The following TRPM3 variants were observed in gnomAD, a reference collection of about 807,000 sequenced individuals.
TRPM3 encodes long transient receptor potential channel 3.
TRPM3 carries 77 observed loss-of-function variants against 181.2 expected under a neutral mutation model. The ratio of observed to expected loss-of-function variants is 0.42; its 90% CI spans 0.35 to 0.51. The LOEUF (loss-of-function observed/expected upper bound fraction) is 0.51. Ranked by LOEUF, TRPM3 falls within the 20% of genes least tolerant of loss-of-function variation. TRPM3 has a pLI of 0.01. For synonymous variants in TRPM3, 745 were observed against 796.4 expected, an observed-to-expected ratio of 0.94 and a Z score of 1.09; for missense variants, 1,759 against 2,196.7, an observed-to-expected ratio of 0.80 and a Z score of 3.98.
intron 1 of TRPM3, among the ~76,000 whole-genome samples, chr9:71,205,406 G>C (rs2079065943): frequency 6.6e-6 from 1 of 152,108 alleles, no homozygotes; most frequent in African/African-American, 2.4e-5. Context: ...AAACTTGTTT[G>C]AGTTTTAAGA....
In TRPM3 at chr9:70,620,062, C is replaced by T; in HGVS notation, c.2129+14G>A. The T allele has an allele frequency of 6.3e-7, 1 of 1,591,354 alleles. No individual in the cohort carries two copies. Among genetic ancestry groups the T allele is most frequent in the Non-Finnish European group, 8.6e-7 (1 of 1,165,150 alleles). ...CTCTCCCCCTGACCAGCCCATTTTG[C>T]TGGGCGGACCCACCTGGAATTGTGA... On this transcript the variant is annotated intron_variant, in intron 16 of 25. Transcript: ENST00000677713.
chr9:70,636,257 T>C (rs1313034239), intron 11 of TRPM3, among the ~76,000 whole-genome samples: 1 of 152,082 alleles, frequency 6.6e-6, no homozygotes, highest in Non-Finnish European at 1.5e-5. Context: ...ATAGCATTTT[T>C]CTTTTGATTG....
intron 1 of TRPM3, among the ~76,000 whole-genome samples, chr9:71,089,531 A>AT (rs1297457160): frequency 2.0e-5 from 3 of 151,962 alleles, no homozygotes; most frequent in Admixed American, 6.6e-5. Context: ...TTGATTTAGA[A>AT]TTTTTTGTCA....
rs1312092609 is a variant in TRPM3 at position 70,576,567 on chromosome 9, T to C, written c.3223+14464A>G. Among the ~76,000 whole-genome samples the C allele has an allele frequency of 4.6e-5, 7 of 150,610 alleles. No individual in the cohort carries two copies. In the East Asian group the frequency reaches 1.4e-3, roughly 29 times the overall value. On this transcript the variant is annotated intron_variant, in intron 22 of 25. Transcript: ENST00000677713. ...GCTTGCTCGGTCGCCCAGACTAGAG[T>C]GCAATGGTGCGATCTCGGCTCACTG...
intron 1 of TRPM3, among the ~76,000 whole-genome samples, chr9:71,023,986 T>C (rs1231243347): frequency 6.6e-6 from 1 of 152,142 alleles, no homozygotes; most frequent in Non-Finnish European, 1.5e-5. Flanking sequence ...CACAAATGAA[T>C]GTAAGTGAAA....
chr9:71,177,457 T>C (rs537180056), intron 1 of TRPM3, among the ~76,000 whole-genome samples: 1 of 152,238 alleles, frequency 6.6e-6, no homozygotes, highest in African/African-American at 2.4e-5. Context: ...GCCTAGGCTA[T>C]ACCATCCAGG....
At chr9:70,831,962 AATATATATATATAT>A (rs71367232) in intron 5 of TRPM3, among the ~76,000 whole-genome samples, 124 of 64,244 alleles carry the variant, frequency 1.9e-3, no homozygotes, top group Non-Finnish European at 2.7e-3. Flanking sequence ...GTACCCCATA[AATATATATATATAT>A]ATATATATAT....
At chr9:71,053,223 A>G (rs1228209197) in intron 1 of TRPM3, among the ~76,000 whole-genome samples, 2 of 151,872 alleles carry the variant, frequency 1.3e-5, no homozygotes, top group African/African-American at 4.8e-5. Flanking sequence ...AATGTGGTTG[A>G]AGCCAGAACC....
At position 70,917,785 on chromosome 9, in the gene TRPM3, T is replaced by C. The variant is rs62543177; in HGVS notation, c.178-53274A>G. 8.5e-3 allele frequency among the ~76,000 whole-genome samples: 1,287 copies of C among 151,802 alleles called. 7 individuals carry two copies. The highest frequency in any genetic ancestry group is 0.014 in the Middle Eastern group (4 of 292). On this transcript the variant is annotated intron_variant, in intron 1 of 25. Coordinates refer to ENST00000677713, the MANE Select transcript of TRPM3 (RefSeq NM_001366145.2). Reference sequence around the variant, plus strand: ...CAAATAATAAAGTGGTAGGAGTAAGTCCTTACTCATCAATAACAACAATGA... The same window carrying C: ...CAAATAATAAAGTGGTAGGAGTAAGCCCTTACTCATCAATAACAACAATGA...
chr9:71,117,214 C>T lies in TRPM3; in HGVS notation c.177+3964G>A, dbSNP rs2072591999. Reference sequence around the variant, plus strand: ...CAGCTTCCAGTTGCATCATCTCACCCATTTTAGACACTACAGCCAAAGCAA... The same window carrying T: ...CAGCTTCCAGTTGCATCATCTCACCTATTTTAGACACTACAGCCAAAGCAA... On this transcript the variant is annotated intron_variant, in intron 1 of 25. Coordinates refer to ENST00000677713, the MANE Select transcript of TRPM3 (RefSeq NM_001366145.2). Among the ~76,000 whole-genome samples, 4 of 152,174 alleles carry T rather than the reference C, an allele frequency of 2.6e-5. No individual in the cohort carries two copies. In the South Asian group the frequency reaches 8.3e-4, roughly 32 times the overall value.
intron 1 of TRPM3, among the ~76,000 whole-genome samples, chr9:71,087,784 T>TA (rs1235173030): frequency 1.3e-5 from 2 of 152,140 alleles, no homozygotes; most frequent in African/African-American, 2.4e-5. Context: ...GTAGAAAGAC[T>TA]AAAAAAACAC....
At chr9:70,560,720 A>G (rs1444825463) in intron 22 of TRPM3, among the ~76,000 whole-genome samples, 3 of 152,222 alleles carry the variant, frequency 2.0e-5, no homozygotes, top group Non-Finnish European at 2.9e-5. Context: ...TTCATTAGAC[A>G]TTGATTATTC....
At chr9:71,438,581 A>G (rs1346911) in intron 1 of TRPM3, among the ~76,000 whole-genome samples, 148,742 of 152,202 alleles carry the variant, frequency 0.98, 72,765 homozygotes, top group East Asian at 1. Flanking sequence ...GCTGAGGTGG[A>G]AGAATCACCT....
intron 9 of TRPM3, among the ~76,000 whole-genome samples, chr9:70,673,903 C>T (rs2063469559): frequency 1.4e-5 from 2 of 138,340 alleles, no homozygotes; most frequent in South Asian, 2.3e-4. Context: ...GAGCCAAGAT[C>T]GTGCCATTGC....
At chr9:71,181,169 G>C (rs556155477) in intron 1 of TRPM3, among the ~76,000 whole-genome samples, 2 of 152,046 alleles carry the variant, frequency 1.3e-5, no homozygotes, top group African/African-American at 2.4e-5. Context: ...TGAGAACAAA[G>C]GGATTATCAC....
rs1169901529 is a variant in TRPM3 at position 70,655,305 on chromosome 9, C to CAAAA, written c.1346-14649_1346-14646dup. On this transcript the variant is annotated intron_variant, in intron 9 of 25. Transcript: ENST00000677713. ...TGGGCGAAAGAGTGAGACTCCGTCT[C>CAAAA]AAAAAAAAAAAAAAAAAAAAAAAAA... Among the ~76,000 whole-genome samples the CAAAA allele has an allele frequency of 7.5e-3, 249 of 33,150 alleles. 26 individuals are homozygous for CAAAA. Among genetic ancestry groups the CAAAA allele is most frequent in the South Asian group, 0.019 (9 of 482 alleles). The allele number at this position is 33,150 out of a possible 152,430, so 21.7% of individuals were successfully genotyped here. A position where few individuals can be genotyped will look rare whatever the true frequency, so the allele number is the denominator to read the frequency against.
rs955364203 is a variant in TRPM3, at chr9:71,348,852, T to C, written c.183+97801A>G. Among the ~76,000 whole-genome samples the C allele has an allele frequency of 2.6e-5, 4 of 152,206 alleles. No individual in the cohort carries two copies. The South Asian group carries it at 8.3e-4, about 31-fold the overall frequency. ...TCCCAAAGTGCTGGGATTACAGGCA[T>C]GAGCCACTGTGCCCAGCCAGTTTTG... On this transcript the variant is annotated intron_variant, in intron 1 of 24. Coordinates refer to the TRPM3 transcript ENST00000357533.
At chr9:70,593,332 T>C (rs2058451393) in intron 21 of TRPM3, among the ~76,000 whole-genome samples, 1 of 152,228 alleles carries the variant, frequency 6.6e-6, no homozygotes, top group Non-Finnish European at 1.5e-5. Flanking sequence ...GGGTCTGTTT[T>C]TCATCCTCTC....
intron 8 of TRPM3, among the ~76,000 whole-genome samples, chr9:70,738,106 T>C (rs150526623): frequency 0.015 from 2,217 of 152,234 alleles, 56 homozygotes; most frequent in African/African-American, 0.051. Context: ...TTCTCCAAGA[T>C]AGACCATATG....
Sources: gnomAD v4.1 joint callset for allele counts (sites outside exome capture counted in the v4.1 genomes callset) on GRCh38, gnomAD v4.1.1 for gene constraint, MANE v1.5 for transcripts, NCBI Gene and HGNC (gene_info 2026-07-23, HGNC 2026-07-21) for gene names.